Variants in RXFP1 observed in about 807,000 individuals in gnomAD.
The protein encoded by RXFP1 is relaxin family peptide receptor 1, also known as relaxin receptor 1.
RXFP1 carries 73 observed loss-of-function variants against 89.8 expected under a neutral mutation model. The ratio of observed to expected loss-of-function variants is 0.81; its 90% CI spans 0.67 to 0.99. The LOEUF is 0.99. Among genes scored for constraint, RXFP1 ranks in the 50% least tolerant of loss-of-function variants. The pLI, the probability that RXFP1 is intolerant of heterozygous loss-of-function variation, is 0.00. For missense variants in RXFP1, 793 were observed against 895.5 expected, an observed-to-expected ratio of 0.89 and a Z score of 1.46; for synonymous variants, 277 against 305.5, an observed-to-expected ratio of 0.91 and a Z score of 0.97.
intron 2 of RXFP1, among the ~76,000 whole-genome samples, chr4:158,586,891 TA>T (rs61486750): frequency 0.017 from 2,419 of 141,630 alleles, 39 homozygotes; most frequent in African/African-American, 0.048. Context: ...CTATTAATGG[TA>T]AAAAAAAAAA....
At chr4:158,642,364 C>T (rs1024655847) in intron 14 of RXFP1, among the ~76,000 whole-genome samples, 3 of 152,060 alleles carry the variant, frequency 2.0e-5, no homozygotes, top group African/African-American at 7.2e-5. Flanking sequence ...TATAGACATC[C>T]TACCATGGTA....
At position 158,568,720 on chromosome 4, in the gene RXFP1, C is replaced by T. The variant is rs1023999341; in HGVS notation, c.50-3978C>T. 4.6e-5 allele frequency among the ~76,000 whole-genome samples: 7 copies of T among 152,108 alleles called. No homozygotes were observed. In the South Asian group the frequency reaches 8.3e-4, roughly 18 times the overall value. Reference sequence around the variant, plus strand: ...ATTATTATATACATTTGACTATGTCCTTCATCAAACTATGTGCTCTGAAAT... The same window carrying T: ...ATTATTATATACATTTGACTATGTCTTTCATCAAACTATGTGCTCTGAAAT... On this transcript the variant is annotated intron_variant, in intron 1 of 17. Coordinates refer to ENST00000307765, the MANE Select transcript of RXFP1 (RefSeq NM_021634.4).
At position 158,645,088 on chromosome 4, in the gene RXFP1, A is replaced by C. The variant is rs76517567; in HGVS notation, c.1295A>C (p.Tyr432Ser). 1 of 1,614,008 alleles carries C rather than the reference A, an allele frequency of 6.2e-7. No individual in the cohort carries two copies. Among genetic ancestry groups the C allele is most frequent in the Non-Finnish European group, 8.5e-7 (1 of 1,179,994 alleles). The change falls in exon 15 of 18, where the codon TAT (tyrosine) becomes TCT (serine). Residue 432 changes from tyrosine (Y) to serine (S), a missense_variant. Coordinates refer to ENST00000307765, the MANE Select transcript of RXFP1 (RefSeq NM_021634.4). ...GNIFVICMRP[Y>S]IRSENKLYAM... ...ATTTTTGTCATTTGCATGCGACCTT[A>C]TATCAGGTCTGAGAACAAGCTGTAT...
chr4:158,572,261 G>A (rs1205881434), intron 1 of RXFP1, among the ~76,000 whole-genome samples: 2 of 152,134 alleles, frequency 1.3e-5, no homozygotes, highest in African/African-American at 4.8e-5. Context: ...TCATCTCAGG[G>A]TGAGACAATG....
In RXFP1 at chr4:158,648,710, A is replaced by C. The variant is rs776315589; in HGVS notation, c.1968A>C (p.Glu656Asp). 30 of 1,565,622 alleles carry C rather than the reference A, an allele frequency of 1.9e-5. No individual in the cohort carries two copies. Among genetic ancestry groups the C allele is most frequent in the Non-Finnish European group, 2.6e-5 (30 of 1,142,948 alleles). The change falls in exon 17 of 18, where the codon GAA becomes GAC. Residue 656 changes from glutamate (E) to aspartate (D), a missense_variant. Coordinates refer to ENST00000307765, the MANE Select transcript of RXFP1 (RefSeq NM_021634.4). ...AATTTCTTTCACTGCTTCAGGTAGAAATACCAGGTACAATATTTTTTAATC... is the reference window on the plus strand; with the variant it reads ...AATTTCTTTCACTGCTTCAGGTAGACATACCAGGTACAATATTTTTTAATC... ...VVKFLSLLQV[E>D]IPGTITSWVV...
chr4:158,572,994 C>A, intron 2 of RXFP1, 159 bp downstream of exon 2: 2 of 1,110,606 alleles, frequency 1.8e-6, no homozygotes, highest in Non-Finnish European at 2.5e-6. Flanking sequence ...CTTAAAATAT[C>A]CACTCTTTTC....
At chr4:158,537,843 T>C (rs976588507) in intron 1 of RXFP1, among the ~76,000 whole-genome samples, 5 of 152,148 alleles carry the variant, frequency 3.3e-5, no homozygotes, top group African/African-American at 1.2e-4. Context: ...TGTAGTGGAA[T>C]AGGATAGTAA....
At chr4:158,541,325 A>T (rs1372663650) in intron 1 of RXFP1, among the ~76,000 whole-genome samples, 1 of 134,454 alleles carries the variant, frequency 7.4e-6, no homozygotes, top group Non-Finnish European at 1.6e-5. Context: ...TGTGACTTAT[A>T]CCCAGAATTC....
At chr4:158,600,843 T>G (rs1412489179) in intron 4 of RXFP1, among the ~76,000 whole-genome samples, 1 of 152,016 alleles carries the variant, frequency 6.6e-6, no homozygotes, top group East Asian at 1.9e-4. Flanking sequence ...AAAAAAGAAT[T>G]TATGATTTCA....
At chr4:158,651,628 A>T (rs1772749113) in intron 17 of RXFP1, 129 bp from the exon 18 acceptor site, 1 of 633,716 alleles carries the variant, frequency 1.6e-6, no homozygotes, top group Non-Finnish European at 2.6e-6. Context: ...CTTGGTATTT[A>T]ATTATGTGAC....
chr4:158,549,921 C>G (rs1749650631), intron 1 of RXFP1, among the ~76,000 whole-genome samples: 1 of 152,230 alleles, frequency 6.6e-6, no homozygotes, highest in Non-Finnish European at 1.5e-5. Flanking sequence ...AGGAGGCAGT[C>G]TGCCCATTCT....
intron 11 of RXFP1, among the ~76,000 whole-genome samples, chr4:158,629,267 T>TA (rs1361000410): frequency 6.6e-6 from 1 of 152,122 alleles, no homozygotes; most frequent in Non-Finnish European, 1.5e-5. Context: ...GCCAGGCTAG[T>TA]AAATTTGTTA....
At chr4:158,629,531 ATTT>A (rs1767610207) in intron 11 of RXFP1, among the ~76,000 whole-genome samples, 1 of 152,072 alleles carries the variant, frequency 6.6e-6, no homozygotes, top group Non-Finnish European at 1.5e-5. Context: ...ATTGTAGTTG[ATTT>A]TCAGAATAAA....
chr4:158,574,552 C>T (rs758871891), intron 2 of RXFP1, among the ~76,000 whole-genome samples: 3 of 152,046 alleles, frequency 2.0e-5, no homozygotes, highest in East Asian at 1.9e-4. Flanking sequence ...TTAACCAGTC[C>T]GCTATCACCT....
intron 1 of RXFP1, among the ~76,000 whole-genome samples, chr4:158,538,139 G>A (rs1745708894): frequency 6.6e-6 from 1 of 152,206 alleles, no homozygotes. Flanking sequence ...GCCCATTTAT[G>A]TAAGGTAAAA....
At chr4:158,524,294 T>C (rs1181982127) in intron 1 of RXFP1, among the ~76,000 whole-genome samples, 2 of 152,202 alleles carry the variant, frequency 1.3e-5, no homozygotes, top group Non-Finnish European at 2.9e-5. Flanking sequence ...ATAATGTGTA[T>C]AAATGGGCTT....
chr4:158,568,426 A>G (rs1177715198), intron 1 of RXFP1, among the ~76,000 whole-genome samples: 1 of 152,258 alleles, frequency 6.6e-6, no homozygotes, highest in East Asian at 1.9e-4. Flanking sequence ...ATGGCCAGTT[A>G]AAACATCTTC....
chr4:158,529,141 C>T (rs191618506), intron 1 of RXFP1, among the ~76,000 whole-genome samples: 1 of 152,194 alleles, frequency 6.6e-6, no homozygotes. Flanking sequence ...TTATGTTAAA[C>T]GACCCCAAGA....
chr4:158,625,766 A>G (rs974643262), intron 9 of RXFP1, among the ~76,000 whole-genome samples: 3 of 152,082 alleles, frequency 2.0e-5, no homozygotes, highest in Non-Finnish European at 2.9e-5. Flanking sequence ...GCTGTATCAC[A>G]CTTCTGCTCA....
Sources: gnomAD v4.1 joint callset for allele counts (sites outside exome capture counted in the v4.1 genomes callset) on GRCh38, gnomAD v4.1.1 for gene constraint, MANE v1.5 for transcripts, NCBI Gene and HGNC (gene_info 2026-07-23, HGNC 2026-07-21) for gene names.